GRXCR1: variants seen among roughly 807,000 people sequenced by gnomAD.
GRXCR1 encodes glutaredoxin domain-containing cysteine-rich protein 1.
GRXCR1 carries 27 observed loss-of-function variants against 27.3 expected under a neutral mutation model. That is an observed-to-expected ratio of 0.99 (90% CI 0.73 to 1.37). The LOEUF (loss-of-function observed/expected upper bound fraction) is 1.37. GRXCR1 is among the 40% of genes most tolerant of loss of function. GRXCR1 has a pLI of 0.00. For synonymous variants in GRXCR1, 122 were observed against 131.1 expected, an observed-to-expected ratio of 0.93 and a Z score of 0.47; for missense variants, 379 against 354.4, an observed-to-expected ratio of 1.07 and a Z score of -0.56.
At position 42,935,199 on chromosome 4, in the gene GRXCR1, A is replaced by G. The variant is rs148661258; in HGVS notation, c.385-27693A>G. 5.9e-5 allele frequency among the ~76,000 whole-genome samples: 9 copies of G among 152,100 alleles called. No homozygotes were observed. In the East Asian group the frequency reaches 1.8e-3, roughly 30 times the overall value. ...TTCAAAGAATTATAGACTCTTAGAG[A>G]GAAAGATACACAGCTGCATGCACTC... On this transcript the variant is annotated intron_variant, in intron 1 of 3. Coordinates refer to ENST00000399770, the MANE Select transcript of GRXCR1 (RefSeq NM_001080476.3).
intron 1 of GRXCR1, among the ~76,000 whole-genome samples, chr4:42,959,198 T>G (rs918833665): frequency 4.6e-5 from 7 of 151,934 alleles, no homozygotes; most frequent in African/African-American, 1.7e-4. Context: ...GATAAATTAA[T>G]AAAGAAATTG....
intron 1 of GRXCR1, among the ~76,000 whole-genome samples, chr4:42,893,879 C>CT (rs1316578150): frequency 6.6e-6 from 1 of 152,110 alleles, no homozygotes; most frequent in Non-Finnish European, 1.5e-5. Context: ...CATAAGTGGT[C>CT]TTTTTTTCCT....
chr4:42,963,855 G>A lies in GRXCR1; in HGVS notation c.627+721G>A, dbSNP rs1295520348. 2.6e-5 allele frequency among the ~76,000 whole-genome samples: 4 copies of A among 152,114 alleles called. No homozygotes were observed. The East Asian group carries it at 5.8e-4, about 22-fold the overall frequency. ...AGGGACACCAGCAACCAGTTTAGGAGCTGACTACATGATCACTTATCACAG... is the reference window on the plus strand; with the variant it reads ...AGGGACACCAGCAACCAGTTTAGGAACTGACTACATGATCACTTATCACAG... On this transcript the variant is annotated intron_variant, in intron 2 of 3. Coordinates refer to ENST00000399770, the MANE Select transcript of GRXCR1 (RefSeq NM_001080476.3).
chr4:42,994,004 G>A (rs1176616315), intron 2 of GRXCR1, among the ~76,000 whole-genome samples: 5 of 152,148 alleles, frequency 3.3e-5, no homozygotes, highest in African/African-American at 1.2e-4. Flanking sequence ...AGGCTTTGAA[G>A]TAACTTTCTT....
chr4:42,925,125 A>G (rs192702542), intron 1 of GRXCR1, among the ~76,000 whole-genome samples: 8 of 152,014 alleles, frequency 5.3e-5, no homozygotes, highest in Admixed American at 4.6e-4. Flanking sequence ...GAGTATATTT[A>G]AAGAGCACAT....
At chr4:43,008,987 T>C (rs2109801302) in intron 2 of GRXCR1, among the ~76,000 whole-genome samples, 1 of 152,356 alleles carries the variant, frequency 6.6e-6, no homozygotes, top group East Asian at 1.9e-4. Context: ...GCACCTCTTA[T>C]GACATTTTCC....
At chr4:42,944,057 G>T (rs1404945339) in intron 1 of GRXCR1, among the ~76,000 whole-genome samples, 1 of 152,000 alleles carries the variant, frequency 6.6e-6, no homozygotes, top group Non-Finnish European at 1.5e-5. Flanking sequence ...AACACGTTTG[G>T]CAATAGGAAG....
intron 2 of GRXCR1, among the ~76,000 whole-genome samples, chr4:42,974,691 T>C (rs566793946): frequency 2.0e-5 from 3 of 152,170 alleles, no homozygotes; most frequent in East Asian, 1.9e-4. Context: ...GCAAGAGGCA[T>C]AGTCAGGGTA....
chr4:42,982,976 T>C (rs1350729857), intron 2 of GRXCR1, among the ~76,000 whole-genome samples: 1 of 152,048 alleles, frequency 6.6e-6, no homozygotes, highest in Non-Finnish European at 1.5e-5. Context: ...GATGAGTAGG[T>C]TGCGAAAATT....
At chr4:42,906,869 A>G (rs949350969) in intron 1 of GRXCR1, among the ~76,000 whole-genome samples, 1 of 150,666 alleles carries the variant, frequency 6.6e-6, no homozygotes, top group Non-Finnish European at 1.5e-5. Flanking sequence ...AAGGACAATG[A>G]AAAAACATTT....
chr4:43,030,381 GTGTC>G lies in GRXCR1; in HGVS notation c.715_718del (p.Cys239ProfsTer33), dbSNP rs773214666. 4.3e-6 allele frequency: 7 copies of G among 1,613,916 alleles called. No individual in the cohort carries two copies. Among genetic ancestry groups the G allele is most frequent in the Non-Finnish European group, 5.1e-6 (6 of 1,180,004 alleles). On this transcript the variant is annotated frameshift_variant, in exon 4 of 4. Coordinates refer to ENST00000399770, the MANE Select transcript of GRXCR1 (RefSeq NM_001080476.3). LOFTEE classifies it high-confidence loss of function. ...TACAGAGAGTACAGCATCCACATGA[GTGTC>G]CCTCTTGTGGAGGCTTTGGCTTTCT...
intron 3 of GRXCR1, among the ~76,000 whole-genome samples, chr4:43,023,707 T>C (rs1713165928): frequency 6.6e-6 from 1 of 152,158 alleles, no homozygotes; most frequent in Non-Finnish European, 1.5e-5. Flanking sequence ...TTCTAGTGCC[T>C]AGAACAGGGA....
intron 1 of GRXCR1, among the ~76,000 whole-genome samples, chr4:42,950,486 A>G (rs935882357): frequency 1.3e-5 from 2 of 152,184 alleles, no homozygotes; most frequent in African/African-American, 4.8e-5. Context: ...TAAAATGCCA[A>G]TACATAGCAT....
At chr4:43,009,497 G>T (rs374023838) in intron 2 of GRXCR1, among the ~76,000 whole-genome samples, 4 of 151,890 alleles carry the variant, frequency 2.6e-5, no homozygotes, top group African/African-American at 7.3e-5. Flanking sequence ...GTCCATTAGG[G>T]CTGCTATAAA....
chr4:42,955,062 G>T (rs1262150432), intron 1 of GRXCR1, among the ~76,000 whole-genome samples: 1 of 152,080 alleles, frequency 6.6e-6, no homozygotes, highest in Non-Finnish European at 1.5e-5. Context: ...TAGGCCCACA[G>T]CCCTGCTTCC....
intron 1 of GRXCR1, among the ~76,000 whole-genome samples, chr4:42,898,807 A>T (rs1196321876): frequency 6.7e-6 from 1 of 148,630 alleles, no homozygotes; most frequent in Non-Finnish European, 1.5e-5. Context: ...ATTCTTATGT[A>T]GTGTTCTGTC....
intron 1 of GRXCR1, among the ~76,000 whole-genome samples, chr4:42,926,406 T>A (rs1196719891): frequency 6.6e-6 from 1 of 152,020 alleles, no homozygotes; most frequent in Non-Finnish European, 1.5e-5. Flanking sequence ...AGAGGAACAA[T>A]TAACTTTATT....
rs181089473 is a variant in GRXCR1 at position 42,932,763 on chromosome 4, A to G, written c.385-30129A>G. 4.7e-3 allele frequency among the ~76,000 whole-genome samples: 705 copies of G among 149,578 alleles called. 14 individuals are homozygous for G. The highest frequency in any genetic ancestry group is 9.9e-3 in the East Asian group (49 of 4,950). ...CAGGTTATTTGTTAAGAGAGAATTT[A>G]CTCCCTTTCACCCTGGAATTACAGC... On this transcript the variant is annotated intron_variant, in intron 1 of 3. Transcript: ENST00000399770.
At chr4:43,025,911 G>A (rs886625609) in intron 3 of GRXCR1, among the ~76,000 whole-genome samples, 2 of 151,032 alleles carry the variant, frequency 1.3e-5, no homozygotes, top group Non-Finnish European at 1.5e-5. Context: ...GGGAGGCAGA[G>A]CTTGCAGTGA....
Sources: allele counts gnomAD v4.1 joint callset (sites outside exome capture counted in the v4.1 genomes callset), GRCh38; gene constraint gnomAD v4.1.1; transcripts MANE v1.5; gene names NCBI Gene and HGNC (gene_info 2026-07-23, HGNC 2026-07-21).